GRK7: variants seen among roughly 807,000 people sequenced by gnomAD.
The protein encoded by GRK7 is G protein-coupled receptor kinase 7.
GRK7 carries 24 observed loss-of-function variants against 34.1 expected under a neutral mutation model. That is an observed-to-expected ratio of 0.70 (90% CI 0.51 to 0.99). The LOEUF is 0.99. Among genes scored for constraint, GRK7 ranks in the 50% least tolerant of loss-of-function variants. GRK7 has a pLI of 0.00. For synonymous variants in GRK7, 256 were observed against 279.4 expected (o/e 0.92, Z 0.84); for missense variants, 644 against 707.3 (o/e 0.91, Z 1.02).
intron 2 of GRK7, among the ~76,000 whole-genome samples, chr3:141,777,636 C>G (rs999571163): frequency 6.6e-6 from 1 of 151,686 alleles, no homozygotes; most frequent in Non-Finnish European, 1.5e-5. Flanking sequence ...CTCCTCAGAG[C>G]TAAGACAGCT....
chr3:141,778,798 TACG>T lies in GRK7; in HGVS notation c.517_519del (p.Asp173del), dbSNP rs2084655791. 3 of 1,609,580 alleles carry T rather than the reference TACG, an allele frequency of 1.9e-6. No individual in the cohort carries two copies. Among genetic ancestry groups the T allele is most frequent in the African/African-American group, 2.7e-5 (2 of 74,954 alleles). On this transcript the variant is annotated inframe_deletion, in exon 3 of 6. Transcript: ENST00000682958. This position sits in a 1 kb window ranked among gnomAD's most constrained non-coding sequence, Gnocchi z 4.1. ...TAAGGATTTCGTGACCAGCGCCTTC[TACG>T]ACAAGTTTCTGCAGTGGAAACTCTT...
At chr3:141,780,907 T>A in intron 4 of GRK7, 96 bp downstream of exon 4, 1 of 1,156,782 alleles carries the variant, frequency 8.6e-7, no homozygotes, top group Non-Finnish European at 1.2e-6. Context: ...GCCTTGGACT[T>A]AATTCTTTTG....
chr3:141,795,221 C>G (rs1317642118), intron 4 of GRK7, among the ~76,000 whole-genome samples: 1 of 152,110 alleles, frequency 6.6e-6, no homozygotes, highest in Non-Finnish European at 1.5e-5. Context: ...TCCTCAATGG[C>G]GGGTGATTGT....
chr3:141,812,187 G>A lies in GRK7; in HGVS notation c.1325+4268G>A, dbSNP rs115562324. ...AAAATCCATTGTAATCTCTGTGTGG[G>A]GTTCCATAGTACGAGAGCCTCTGTT... On this transcript the variant is annotated intron_variant, in intron 5 of 5. Coordinates refer to ENST00000682958, the MANE Select transcript of GRK7 (RefSeq NM_139209.3). Among the ~76,000 whole-genome samples, 884 of 152,240 alleles carry A rather than the reference G, an allele frequency of 5.8e-3. 8 individuals carry two copies. Among genetic ancestry groups the A allele is most frequent in the African/African-American group, 0.02 (826 of 41,520 alleles).
At chr3:141,752,488 TGAG>T in the GRK7 span, among the ~76,000 whole-genome samples, 2 of 152,338 alleles carry the variant, frequency 1.3e-5, no homozygotes, top group East Asian at 3.9e-4. Context: ...GCAGTGAGGT[TGAG>T]AAGTCCTGAT....
chr3:141,791,359 G>A (rs184411638), intron 4 of GRK7, among the ~76,000 whole-genome samples: 23 of 149,608 alleles, frequency 1.5e-4, no homozygotes, highest in Admixed American at 4.7e-4. Flanking sequence ...ATGCCCCCCA[G>A]TTTTTTTTTT....
At chr3:141,791,488 A>T (rs1436770479) in intron 4 of GRK7, among the ~76,000 whole-genome samples, 1 of 152,208 alleles carries the variant, frequency 6.6e-6, no homozygotes, top group African/African-American at 2.4e-5. Flanking sequence ...TACCACCAGC[A>T]TTGACCAAAT....
intron 5 of GRK7, among the ~76,000 whole-genome samples, chr3:141,813,494 T>C (rs1711117630): frequency 6.6e-6 from 1 of 152,202 alleles, no homozygotes; most frequent in South Asian, 2.1e-4. Flanking sequence ...ACCTACAAGA[T>C]GTAAACCACA....
At chr3:141,768,645 C>T (rs1388834009) in intron 1 of GRK7, among the ~76,000 whole-genome samples, 1 of 152,118 alleles carries the variant, frequency 6.6e-6, no homozygotes, top group African/African-American at 2.4e-5. Flanking sequence ...CGCAACCCCT[C>T]CAGCTCCCCA....
intron 4 of GRK7, among the ~76,000 whole-genome samples, chr3:141,804,231 A>G (rs1711000425): frequency 6.6e-6 from 1 of 152,146 alleles, no homozygotes; most frequent in Non-Finnish European, 1.5e-5. Context: ...TCCTGTGTGC[A>G]AAGGAGGCTG....
chr3:141,777,322 C>CTTT lies in GRK7; in HGVS notation c.-113-832_-113-830dup, dbSNP rs770173065. Among the ~76,000 whole-genome samples, 56 of 52,874 alleles carry CTTT rather than the reference C, an allele frequency of 1.1e-3. 15 individuals are homozygous for CTTT. Among genetic ancestry groups the CTTT allele is most frequent in the East Asian group, 3.4e-3 (7 of 2,078 alleles). The allele number at this position is 52,874 out of a possible 152,430, so 34.7% of individuals were successfully genotyped here. A position where few individuals can be genotyped will look rare whatever the true frequency, so the allele number is the denominator to read the frequency against. ...TATGTTTTGGGTGGAGATGGCCCCTCTTTTTTTTTTTTTTTTTTTTGAGAC... is the reference window on the plus strand; with the variant it reads ...TATGTTTTGGGTGGAGATGGCCCCTCTTTTTTTTTTTTTTTTTTTTTTTGAGAC... On this transcript the variant is annotated intron_variant, in intron 2 of 5. Coordinates refer to ENST00000682958, the MANE Select transcript of GRK7 (RefSeq NM_139209.3).
chr3:141,755,213 A>G, the GRK7 span, among the ~76,000 whole-genome samples: 1 of 152,128 alleles, frequency 6.6e-6, no homozygotes, highest in Admixed American at 6.5e-5. Flanking sequence ...TCTAAATCCA[A>G]TGTTCTTAGC....
chr3:141,778,247 TCTTGTG>T lies in GRK7; in HGVS notation c.-34_-29del. The T allele has an allele frequency of 6.6e-7, 1 of 1,525,952 alleles. No individual in the cohort carries two copies. The highest frequency in any genetic ancestry group is 1.3e-5 in the South Asian group (1 of 76,708). 94.5% of individuals were successfully genotyped at this position (1,525,952 alleles called of 1,614,324 possible). On this transcript the variant is annotated 5_prime_UTR_variant, in exon 3 of 6. Coordinates refer to ENST00000682958, the MANE Select transcript of GRK7 (RefSeq NM_139209.3). This position sits in a 1 kb window ranked among gnomAD's most constrained non-coding sequence, Gnocchi z 4.1. ...AAAGCAGCCAGCAGCCCTCCAGCCC[TCTTGTG>T]CTTTCCCTGGGAGTGCGCCCCGTGC...
intron 4 of GRK7, among the ~76,000 whole-genome samples, chr3:141,800,006 G>A (rs932998606): frequency 1.3e-5 from 2 of 152,100 alleles, no homozygotes; most frequent in Non-Finnish European, 2.9e-5. Context: ...GAGCAAGCTC[G>A]CAATAAATGT....
rs554789437 is a variant in GRK7, at chr3:141,811,264, G to C, written c.1325+3345G>C. 3.0e-4 allele frequency among the ~76,000 whole-genome samples: 45 copies of C among 152,008 alleles called. No homozygotes were observed. The Middle Eastern group carries it at 0.01, about 34-fold the overall frequency. On this transcript the variant is annotated intron_variant, in intron 5 of 5. Transcript: ENST00000682958. The stretch of plus-strand genomic sequence containing the variant: ...ACCTGGGAGGCGGAGGTTGAAGTGA[G>C]CCAAGATCGCGCCACTGCACTCCAG...
chr3:141,758,078 C>T, the GRK7 span, among the ~76,000 whole-genome samples: 2 of 53,050 alleles, frequency 3.8e-5, no homozygotes, highest in Non-Finnish European at 6.5e-5. Flanking sequence ...GAGTAGGTTG[C>T]GAAAATTTTC....
At chr3:141,753,685 C>T in the GRK7 span, among the ~76,000 whole-genome samples, 1 of 152,200 alleles carries the variant, frequency 6.6e-6, no homozygotes, top group African/African-American at 2.4e-5. Context: ...GGCCCAGGCA[C>T]TGGGGACCCC....
chr3:141,768,499 C>T (rs892958907), intron 1 of GRK7, among the ~76,000 whole-genome samples: 35 of 152,040 alleles, frequency 2.3e-4, no homozygotes, highest in African/African-American at 7.7e-4. Flanking sequence ...GGGCTGGTCT[C>T]GAACTCCTGA....
At chr3:141,795,406 C>T (rs1399358564) in intron 4 of GRK7, among the ~76,000 whole-genome samples, 2 of 152,218 alleles carry the variant, frequency 1.3e-5, no homozygotes, top group Non-Finnish European at 2.9e-5. Context: ...CAGTGCCACA[C>T]TTGAAAACCC....
Sources: gnomAD v4.1 joint callset for allele counts (sites outside exome capture counted in the v4.1 genomes callset) on GRCh38, gnomAD v4.1.1 for gene constraint, Gnocchi (gnomAD v3.1) non-coding constraint, MANE v1.5 for transcripts, NCBI Gene and HGNC (gene_info 2026-07-23, HGNC 2026-07-21) for gene names.